The following ZNF701 variants were observed in gnomAD, a reference collection of about 807,000 sequenced individuals.
The protein encoded by ZNF701 is zinc finger protein 701.
Under a neutral mutation model 7.1 loss-of-function variants are expected in ZNF701, and 6 were observed. The observed-to-expected ratio is 0.84, with a 90% CI of 0.46 to 1.66. ZNF701 has a LOEUF of 1.66. Among genes scored for constraint, ZNF701 ranks in the 40% most tolerant of loss-of-function variants. The probability of loss-of-function intolerance (pLI) is 0.01; values close to 1 mark genes in which losing one functional copy is unlikely to be tolerated. For missense variants in ZNF701, 541 were observed against 559.2 expected (o/e 0.97, Z 0.33); for synonymous variants, 166 against 188.2 (o/e 0.88, Z 0.97).
chr19:52,590,526 T>G (rs1483396722), downstream of ZNF701, among the ~76,000 whole-genome samples: 6 of 152,188 alleles, frequency 3.9e-5, no homozygotes, highest in Non-Finnish European at 1.5e-5. Flanking sequence ...TTGGTTGACC[T>G]TCTCATTTTC....
intron 1 of ZNF701, chr19:52,572,592 T>C (rs2059908147): frequency 2.8e-6 from 1 of 359,728 alleles, no homozygotes; most frequent in Non-Finnish European, 5.3e-6. Context: ...CCGTTACATC[T>C]TTTCACTCAT....
At position 52,583,629 on chromosome 19, in the gene ZNF701, A is replaced by G. The variant is rs928723131; in HGVS notation, c.*172A>G. Reference sequence around the variant, plus strand: ...TACTGGAGAGAAACCATACAAATGTAAGGTTTGTGACAAGGATTTCGGGTG... The same window carrying G: ...TACTGGAGAGAAACCATACAAATGTGAGGTTTGTGACAAGGATTTCGGGTG... On this transcript the variant is annotated 3_prime_UTR_variant, in exon 4 of 4. Coordinates refer to ENST00000391785, the MANE Select transcript of ZNF701 (RefSeq NM_018260.3). 9 of 1,291,864 alleles carry G rather than the reference A, an allele frequency of 7.0e-6. No individual in the cohort carries two copies. Among genetic ancestry groups the G allele is most frequent in the Non-Finnish European group, 9.0e-6 (8 of 887,580 alleles). The allele number at this position is 1,291,864 out of a possible 1,614,324, so 80.0% of individuals were successfully genotyped here. A position where few individuals can be genotyped will look rare whatever the true frequency, so the allele number is the denominator to read the frequency against.
the ZNF701 span, chr19:52,595,640 G>T: frequency 1.7e-5 from 20 of 1,189,880 alleles, no homozygotes; most frequent in African/African-American, 2.9e-4. Flanking sequence ...ATCCATGATG[G>T]AGTTCTCATC....
At chr19:52,590,544 A>T (rs2060033006), downstream of ZNF701, among the ~76,000 whole-genome samples, 1 of 151,966 alleles carries the variant, frequency 6.6e-6, no homozygotes, top group South Asian at 2.1e-4. Flanking sequence ...TTCTTCATGC[A>T]TTGCTTTTAT....
At chr19:52,571,652 A>G (rs1010380024) in intron 1 of ZNF701, among the ~76,000 whole-genome samples, 1 of 151,906 alleles carries the variant, frequency 6.6e-6, no homozygotes, top group Non-Finnish European at 1.5e-5. Flanking sequence ...GAGCCACCGC[A>G]CCTGGCCACC....
At chr19:52,577,361 A>G (rs1423365449) in intron 3 of ZNF701, among the ~76,000 whole-genome samples, 2 of 152,122 alleles carry the variant, frequency 1.3e-5, no homozygotes, top group South Asian at 2.1e-4. Context: ...TGGCTTCCCA[A>G]AGTGTGGACC....
Position 52,582,947 on chromosome 19 carries a change from A to G in ZNF701, c.888A>G (p.Lys296=), listed in dbSNP as rs1472234626. ...LVHKAIHTGE[K]PYKCNECGKV... is the part of the protein sequence containing the mutation. ...ACAAGGCAATTCATACTGGAGAGAA[A>G]CCTTACAAGTGTAATGAATGTGGCA... Residue 296 remains lysine, a synonymous_variant, in exon 4 of 4, where the codon AAA becomes AAG. Coordinates refer to ENST00000391785, the MANE Select transcript of ZNF701 (RefSeq NM_018260.3). The G allele has an allele frequency of 1.2e-6, 2 of 1,613,988 alleles. No homozygotes were observed. The highest frequency in any genetic ancestry group is 2.7e-5 in the African/African-American group (2 of 74,924).
chr19:52,575,502 G>GTATTT (rs1291035318), intron 2 of ZNF701, among the ~76,000 whole-genome samples: 1 of 151,534 alleles, frequency 6.6e-6, no homozygotes, highest in Non-Finnish European at 1.5e-5. Context: ...TTATTTTCAT[G>GTATTT]TATTTTATTT....
At chr19:52,575,401 C>T (rs916841207) in intron 2 of ZNF701, among the ~76,000 whole-genome samples, 1 of 152,082 alleles carries the variant, frequency 6.6e-6, no homozygotes, top group Non-Finnish European at 1.5e-5. Flanking sequence ...CAAATGACAA[C>T]ACTTTGTATT....
intron 3 of ZNF701, among the ~76,000 whole-genome samples, chr19:52,578,253 CAAAAAAAAAAAA>C (rs58385761): frequency 4.2e-3 from 173 of 40,940 alleles, no homozygotes; most frequent in Middle Eastern, 0.025. Flanking sequence ...GACTCCGTCT[CAAAAAAAAAAAA>C]AAAAAAAAAA....
intron 1 of ZNF701, chr19:52,572,505 G>A (rs77054172): frequency 0.038 from 31,238 of 827,144 alleles, 801 homozygotes; most frequent in Non-Finnish European, 0.046. Context: ...TGTGAAAGAG[G>A]CTTCTCTAAT....
At chr19:52,572,538 G>A in intron 1 of ZNF701, 1 of 531,534 alleles carries the variant, frequency 1.9e-6, no homozygotes, top group Non-Finnish European at 2.9e-6. Flanking sequence ...TTTTGATAAG[G>A]CCAACCCTTT....
At chr19:52,599,474 CTAAG>C in the ZNF701 span, among the ~76,000 whole-genome samples, 10 of 152,148 alleles carry the variant, frequency 6.6e-5, no homozygotes, top group East Asian at 5.8e-4. Context: ...ATTAAGAAGA[CTAAG>C]TAGCCCCAGA....
chr19:52,596,123 A>C, the ZNF701 span: 7 of 884,424 alleles, frequency 7.9e-6, no homozygotes, highest in Admixed American at 1.4e-4. Context: ...TTTCCAATGT[A>C]ATGAGTGTGG....
intron 3 of ZNF701, among the ~76,000 whole-genome samples, chr19:52,580,206 G>T (rs1327074660): frequency 2.0e-5 from 3 of 150,524 alleles, no homozygotes; most frequent in South Asian, 4.2e-4. Context: ...GCCTCCCAGA[G>T]TGCTGGGATT....
At chr19:52,588,409 C>A, downstream of ZNF701, 1 of 157,380 alleles carries the variant, frequency 6.4e-6, no homozygotes, top group Non-Finnish European at 1.4e-5. Context: ...TCACTAGAAC[C>A]AGGGAGGCAG....
downstream of ZNF701, among the ~76,000 whole-genome samples, chr19:52,587,439 G>T (rs1017486557): frequency 6.6e-6 from 1 of 152,082 alleles, no homozygotes; most frequent in African/African-American, 2.4e-5. Context: ...CTGTCCCTCT[G>T]CCTAGGACTC....
At chr19:52,595,806 C>T in the ZNF701 span, 1 of 1,605,878 alleles carries the variant, frequency 6.2e-7, no homozygotes, top group African/African-American at 1.3e-5. Flanking sequence ...GGCCATGAAG[C>T]ACCCATGACA....
Position 52,574,115 on chromosome 19 carries a change from C to T in ZNF701, c.-33C>T, listed in dbSNP as rs367929162. 133 of 1,611,956 alleles carry T rather than the reference C, an allele frequency of 8.3e-5. No individual in the cohort carries two copies. The highest frequency in any genetic ancestry group is 8.7e-5 in the Non-Finnish European group (103 of 1,179,296). On this transcript the variant is annotated 5_prime_UTR_variant, in exon 2 of 4. In the 5' UTR this introduces an upstream ATG that the reference lacks. Coordinates refer to ENST00000391785, the MANE Select transcript of ZNF701 (RefSeq NM_018260.3). ...AGACTTGGTACGTGAGGAAAAAACA[C>T]GGAAGAGGAAGAGGAAAGCAAAGGA...
Sources: allele counts gnomAD v4.1 joint callset (sites outside exome capture counted in the v4.1 genomes callset), GRCh38; gene constraint gnomAD v4.1.1; transcripts MANE v1.5; gene names NCBI Gene and HGNC (gene_info 2026-07-23, HGNC 2026-07-21).